Variants in SOX6 observed in about 807,000 individuals in gnomAD.
The protein encoded by SOX6 is transcription factor SOX-6.
A neutral mutation model predicts 97.8 loss-of-function variants in SOX6; 11 were observed. The ratio of observed to expected loss-of-function variants is 0.11; its 90% confidence interval spans 0.07 to 0.19. The LOEUF (loss-of-function observed/expected upper bound fraction) is 0.19. Ranked by LOEUF, SOX6 falls within the 10% of genes least tolerant of loss-of-function variation. SOX6 has a pLI of 1.00. For synonymous variants in SOX6, 360 were observed against 371.4 expected (o/e 0.97, Z 0.35); for missense variants, 810 against 1,039.5 (o/e 0.78, Z 3.04).
At chr11:16,142,295 A>C (rs1850164334) in intron 6 of SOX6, among the ~76,000 whole-genome samples, 1 of 152,208 alleles carries the variant, frequency 6.6e-6, no homozygotes, top group African/African-American at 2.4e-5. Flanking sequence ...GAGGGTCCTG[A>C]CTGTTAGAAG....
At chr11:16,734,055 C>T (rs1038984982) in intron 2 of SOX6, among the ~76,000 whole-genome samples, 1 of 149,658 alleles carries the variant, frequency 6.7e-6, no homozygotes, top group Non-Finnish European at 1.5e-5. Context: ...AGAAGATATA[C>T]ATCAACAACA....
chr11:16,653,002 CAT>C (rs1234873589), intron 3 of SOX6, among the ~76,000 whole-genome samples: 3 of 151,938 alleles, frequency 2.0e-5, no homozygotes, highest in South Asian at 2.1e-4. Context: ...GGCCAAAAAA[CAT>C]ATGAAAAAAA....
At chr11:16,528,813 T>G (rs569317006) in intron 4 of SOX6, among the ~76,000 whole-genome samples, 2 of 152,250 alleles carry the variant, frequency 1.3e-5, no homozygotes, top group East Asian at 1.9e-4. Context: ...GGGAAAACTT[T>G]TTAGACTCTG....
intron 1 of SOX6, among the ~76,000 whole-genome samples, chr11:16,451,486 T>A (rs1434880252): frequency 6.6e-6 from 1 of 152,130 alleles, no homozygotes; most frequent in Non-Finnish European, 1.5e-5. Context: ...CCACATAGTA[T>A]TATCCAGCCA....
intron 1 of SOX6, among the ~76,000 whole-genome samples, chr11:16,737,472 T>C (rs1848400703): frequency 6.6e-6 from 1 of 151,550 alleles, no homozygotes; most frequent in Admixed American, 6.6e-5. Flanking sequence ...CCCAAAATGC[T>C]GGGGATTACA....
At chr11:16,239,573 A>G (rs185505582) in intron 3 of SOX6, among the ~76,000 whole-genome samples, 1 of 152,210 alleles carries the variant, frequency 6.6e-6, no homozygotes, top group African/African-American at 2.4e-5. Flanking sequence ...CAAAAGTCAA[A>G]CCTTTAACCT....
At chr11:16,274,968 G>A (rs573967971) in intron 3 of SOX6, among the ~76,000 whole-genome samples, 40 of 151,986 alleles carry the variant, frequency 2.6e-4, no homozygotes, top group Non-Finnish European at 4.7e-4. Flanking sequence ...TATTACTTCA[G>A]AAAAGAAATA....
intron 3 of SOX6, among the ~76,000 whole-genome samples, chr11:16,251,681 G>A (rs990347632): frequency 1.1e-4 from 17 of 152,000 alleles, no homozygotes; most frequent in Admixed American, 2.0e-4. Context: ...TAATACCAAT[G>A]TAGTACAAAC....
At chr11:16,594,251 C>A (rs1478101728) in intron 4 of SOX6, among the ~76,000 whole-genome samples, 1 of 152,012 alleles carries the variant, frequency 6.6e-6, no homozygotes, top group Non-Finnish European at 1.5e-5. Flanking sequence ...AAATGCCATA[C>A]AATTTAAAAC....
intron 1 of SOX6, among the ~76,000 whole-genome samples, chr11:16,389,453 A>G (rs898586223): frequency 6.6e-6 from 1 of 151,820 alleles, no homozygotes; most frequent in Non-Finnish European, 1.5e-5. Flanking sequence ...TATTCTGCTG[A>G]TTGTCCTCTC....
At chr11:16,465,286 C>G (rs1412004486) in intron 1 of SOX6, among the ~76,000 whole-genome samples, 1 of 152,178 alleles carries the variant, frequency 6.6e-6, no homozygotes, top group Non-Finnish European at 1.5e-5. Context: ...ACAGTGGCTT[C>G]CACATACTGC....
chr11:16,723,943 G>C (rs1250254739), intron 2 of SOX6, among the ~76,000 whole-genome samples: 1 of 152,158 alleles, frequency 6.6e-6, no homozygotes, highest in African/African-American at 2.4e-5. Flanking sequence ...GAATTTCTGT[G>C]ACTCTCTGAA....
At chr11:16,161,773 G>C (rs1245249325) in intron 6 of SOX6, among the ~76,000 whole-genome samples, 1 of 152,136 alleles carries the variant, frequency 6.6e-6, no homozygotes, top group African/African-American at 2.4e-5. Context: ...TACTGAAAAA[G>C]TGAATTGCAG....
At chr11:16,584,477 A>T (rs576160056) in intron 4 of SOX6, among the ~76,000 whole-genome samples, 1 of 152,302 alleles carries the variant, frequency 6.6e-6, no homozygotes, top group East Asian at 1.9e-4. Context: ...CTCAAATAGC[A>T]TATCATCTAT....
At chr11:16,339,040 A>G (rs1856549820) in intron 2 of SOX6, among the ~76,000 whole-genome samples, 2 of 152,152 alleles carry the variant, frequency 1.3e-5, no homozygotes, top group African/African-American at 4.8e-5. Flanking sequence ...TAGATTTGGC[A>G]TAAAAGCCAA....
chr11:16,044,066 T>C (rs1855755463), intron 12 of SOX6, among the ~76,000 whole-genome samples: 1 of 152,098 alleles, frequency 6.6e-6, no homozygotes, highest in South Asian at 2.1e-4. Context: ...AAATTAAAAC[T>C]TGTTTATTTT....
At chr11:16,556,309 G>T (rs887394282) in intron 4 of SOX6, among the ~76,000 whole-genome samples, 1 of 151,610 alleles carries the variant, frequency 6.6e-6, no homozygotes, top group African/African-American at 2.4e-5. Context: ...AAAATAAATG[G>T]AAATATGGCC....
intron 3 of SOX6, among the ~76,000 whole-genome samples, chr11:16,305,183 G>C (rs1855388114): frequency 6.6e-6 from 1 of 152,102 alleles, no homozygotes; most frequent in Admixed American, 6.6e-5. Flanking sequence ...CATAGGACTA[G>C]TATTTAGAAT....
chr11:16,496,254 C>T (rs1199492480), intron 4 of SOX6, among the ~76,000 whole-genome samples: 1 of 151,238 alleles, frequency 6.6e-6, no homozygotes, highest in African/African-American at 2.4e-5. Context: ...TTATGAAATC[C>T]CAGAAAAATA....
Sources: gnomAD v4.1 joint callset for allele counts (sites outside exome capture counted in the v4.1 genomes callset) on GRCh38, gnomAD v4.1.1 for gene constraint, MANE v1.5 for transcripts, NCBI Gene and HGNC (gene_info 2026-07-23, HGNC 2026-07-21) for gene names.